The following FAM13A variants were observed in gnomAD, a reference collection of about 807,000 sequenced individuals.
FAM13A encodes the protein family with sequence similarity 13 member A, also known as protein FAM13A.
In FAM13A, 76 loss-of-function variants were observed where a neutral mutation model predicts 129.6. The ratio of observed to expected loss-of-function variants is 0.59; its 90% CI spans 0.49 to 0.71. FAM13A has a LOEUF of 0.71. Among genes scored for constraint, FAM13A ranks in the 30% least tolerant of loss-of-function variants. The pLI is 0.00. For synonymous variants in FAM13A, 443 were observed against 449.9 expected (o/e 0.98, Z 0.20); for missense variants, 1,108 against 1,249.3 (o/e 0.89, Z 1.70).
intron 4 of FAM13A, among the ~76,000 whole-genome samples, chr4:88,957,229 G>A (rs539508449): frequency 3.2e-4 from 49 of 152,202 alleles, no homozygotes; most frequent in Non-Finnish European, 6.2e-4. Context: ...GGGAGGCTGA[G>A]GCAGGAGAAT....
intron 4 of FAM13A, among the ~76,000 whole-genome samples, chr4:88,941,415 C>T (rs1426317479): frequency 4.6e-5 from 7 of 152,162 alleles, no homozygotes; most frequent in African/African-American, 1.7e-4. Flanking sequence ...TTGTTCTTTG[C>T]TTCTGCTTTC....
intron 7 of FAM13A, among the ~76,000 whole-genome samples, chr4:88,833,343 A>G (rs1734239351): frequency 6.6e-6 from 1 of 152,178 alleles, no homozygotes; most frequent in African/African-American, 2.4e-5. Flanking sequence ...ATAAACCTGC[A>G]CACCCTGCAC....
intron 5 of FAM13A, among the ~76,000 whole-genome samples, chr4:88,916,111 G>A (rs962981543): frequency 6.6e-6 from 1 of 152,054 alleles, no homozygotes; most frequent in Non-Finnish European, 1.5e-5. Context: ...GTGATGCCCT[G>A]TACCACCTAG....
intron 2 of FAM13A, among the ~76,000 whole-genome samples, chr4:89,022,204 A>G (rs1446697723): frequency 1.3e-5 from 2 of 152,170 alleles, no homozygotes; most frequent in African/African-American, 4.8e-5. Context: ...TTTTAAAGCA[A>G]AAGAGGAAGC....
intron 6 of FAM13A, among the ~76,000 whole-genome samples, chr4:88,863,271 TAA>T (rs1739816291): frequency 6.6e-6 from 1 of 152,158 alleles, no homozygotes; most frequent in African/African-American, 2.4e-5. Flanking sequence ...CGTGCCCACC[TAA>T]TGGAACCTCC....
At chr4:88,809,171 G>C (rs775099859) in intron 7 of FAM13A, among the ~76,000 whole-genome samples, 1 of 152,136 alleles carries the variant, frequency 6.6e-6, no homozygotes, top group Non-Finnish European at 1.5e-5. Context: ...GAAAGGCATA[G>C]TGTTGTATAT....
chr4:88,930,074 A>G lies in FAM13A; in HGVS notation c.759+8014T>C, dbSNP rs563204135. ...ATATCAATCTCTTGGTATGTTTCACATTCATATCCTGAATTGATTTTCTGA... is the reference window on the plus strand; with the variant it reads ...ATATCAATCTCTTGGTATGTTTCACGTTCATATCCTGAATTGATTTTCTGA... On this transcript the variant is annotated intron_variant, in intron 5 of 23. Transcript: ENST00000264344. 2.8e-4 allele frequency among the ~76,000 whole-genome samples: 42 copies of G among 152,078 alleles called. No individual in the cohort carries two copies. In the East Asian group the frequency reaches 6.6e-3, roughly 24 times the overall value.
At chr4:88,784,237 T>C (rs1319436006) in intron 10 of FAM13A, among the ~76,000 whole-genome samples, 2 of 152,202 alleles carry the variant, frequency 1.3e-5, no homozygotes, top group African/African-American at 4.8e-5. Context: ...TCGATTACAC[T>C]ATAGATCCAT....
intron 5 of FAM13A, among the ~76,000 whole-genome samples, chr4:88,913,327 GGAA>G (rs574637904): frequency 4.1e-4 from 59 of 145,128 alleles, no homozygotes; most frequent in South Asian, 2.5e-3. Flanking sequence ...AAGAGGAGGA[GGAA>G]GAAGAAGAAG....
chr4:88,899,117 T>C (rs926003792), intron 6 of FAM13A, among the ~76,000 whole-genome samples: 1 of 151,886 alleles, frequency 6.6e-6, no homozygotes, highest in Non-Finnish European at 1.5e-5. Context: ...CACATACATA[T>C]ATATATATAC....
intron 6 of FAM13A, among the ~76,000 whole-genome samples, chr4:88,877,507 C>A (rs1742742483): frequency 6.6e-6 from 1 of 152,040 alleles, no homozygotes; most frequent in Admixed American, 6.6e-5. Flanking sequence ...AAACAGAAAA[C>A]AAAATGCTTG....
intron 4 of FAM13A, 108 bp downstream of exon 4, chr4:88,990,865 T>C: frequency 1.2e-6 from 1 of 807,438 alleles, no homozygotes; most frequent in Admixed American, 2.4e-5. Flanking sequence ...CAAAATAAGC[T>C]GGCTGAATTT....
At chr4:88,737,260 CA>C (rs1739180793) in intron 21 of FAM13A, among the ~76,000 whole-genome samples, 1 of 151,964 alleles carries the variant, frequency 6.6e-6, no homozygotes, top group South Asian at 2.1e-4. Flanking sequence ...AAAATGAAAC[CA>C]AAGAAATCAA....
chr4:88,966,959 G>A (rs1759437324), intron 4 of FAM13A, among the ~76,000 whole-genome samples: 1 of 152,140 alleles, frequency 6.6e-6, no homozygotes, highest in Non-Finnish European at 1.5e-5. Context: ...TTATAGTATA[G>A]ATGTAAAGAA....
chr4:88,806,982 CCAAA>C (rs1182582255), intron 7 of FAM13A, among the ~76,000 whole-genome samples: 1 of 152,080 alleles, frequency 6.6e-6, no homozygotes, highest in African/African-American at 2.4e-5. Flanking sequence ...AAACACCATG[CCAAA>C]CAAACAAAAA....
intron 4 of FAM13A, among the ~76,000 whole-genome samples, chr4:88,977,741 T>C (rs1195735853): frequency 6.6e-6 from 1 of 152,314 alleles, no homozygotes; most frequent in East Asian, 1.9e-4. Context: ...TAATTACTTT[T>C]TGTTTTGAAA....
chr4:88,971,706 C>T (rs1481243494), intron 4 of FAM13A, among the ~76,000 whole-genome samples: 1 of 152,138 alleles, frequency 6.6e-6, no homozygotes, highest in East Asian at 1.9e-4. Flanking sequence ...GACAGAGTCT[C>T]ACTGTGTTGC....
chr4:88,825,215 A>AT (rs1732762640), intron 7 of FAM13A, among the ~76,000 whole-genome samples: 3 of 66,838 alleles, frequency 4.5e-5, no homozygotes, highest in African/African-American at 4.2e-4. Flanking sequence ...ATTCTGTGTG[A>AT]ATTTTTTTTT....
intron 1 of FAM13A, among the ~76,000 whole-genome samples, chr4:89,051,786 G>A (rs1271163570): frequency 6.6e-6 from 1 of 152,086 alleles, no homozygotes; most frequent in Admixed American, 6.6e-5. Context: ...AGGAATGGCA[G>A]GTCCTGAAAA....
Sources: gnomAD v4.1 joint callset for allele counts (sites outside exome capture counted in the v4.1 genomes callset) on GRCh38, gnomAD v4.1.1 for gene constraint, MANE v1.5 for transcripts, NCBI Gene and HGNC (gene_info 2026-07-23, HGNC 2026-07-21) for gene names.